Variants in SLC35A3 observed in about 807,000 individuals in gnomAD.
SLC35A3 encodes solute carrier family 35 member A3.
SLC35A3 carries 26 observed loss-of-function variants against 39.0 expected under a neutral mutation model. The ratio of observed to expected loss-of-function variants is 0.67; its 90% confidence interval spans 0.49 to 0.92. SLC35A3 has a LOEUF of 0.92. SLC35A3 is among the 40% of genes least tolerant of loss of function. The probability of loss-of-function intolerance (pLI) is 0.00; values close to 1 mark genes in which losing one functional copy is unlikely to be tolerated. For synonymous variants in SLC35A3, 135 were observed against 133.1 expected, an observed-to-expected ratio of 1.01 and a Z score of -0.10; for missense variants, 299 against 371.6, an observed-to-expected ratio of 0.80 and a Z score of 1.61.
At chr1:100,003,756 C>T (rs1440590358) in intron 3 of SLC35A3, among the ~76,000 whole-genome samples, 2 of 152,118 alleles carry the variant, frequency 1.3e-5, no homozygotes, top group African/African-American at 4.8e-5. Context: ...TGGAGTCTAT[C>T]TCTCTCTTTA....
At chr1:100,003,081 T>C (rs1658928090) in intron 3 of SLC35A3, among the ~76,000 whole-genome samples, 1 of 152,104 alleles carries the variant, frequency 6.6e-6, no homozygotes. Context: ...CTGTATCTCA[T>C]AGGTTTTGGT....
At chr1:99,978,768 A>C (rs1397176480) in intron 1 of SLC35A3, among the ~76,000 whole-genome samples, 4 of 152,212 alleles carry the variant, frequency 2.6e-5, no homozygotes, top group Non-Finnish European at 4.4e-5. Context: ...CTGAGTCCAG[A>C]ATATATTTTA....
chr1:100,007,109 C>T lies in SLC35A3; in HGVS notation c.418C>T (p.Gln140Ter). 6.2e-7 allele frequency: 1 copy of T among 1,612,074 alleles called. No individual in the cohort carries two copies. The highest frequency in any genetic ancestry group is 1.3e-5 in the African/African-American group (1 of 74,942). The change falls in exon 4 of 8, where the codon CAG (glutamine) becomes TAG (stop). Residue 140 changes from glutamine to a stop codon, truncating the protein, a stop_gained. Transcript: ENST00000533028. LOFTEE classifies it high-confidence loss of function. ...GCTTAGTAAAAAATTGGGTGTATACCAGTGGCTGTCCCTAGTAATTTTGAT... is the reference window on the plus strand; with the variant it reads ...GCTTAGTAAAAAATTGGGTGTATACTAGTGGCTGTCCCTAGTAATTTTGAT... The part of the protein sequence containing the change: ...SMLSKKLGVY[Q>*]WLSLVILMTG...
rs1337716274 is a variant in SLC35A3, at chr1:100,023,623, T to G, written c.*1147T>G. 1 of 152,216 alleles carries G rather than the reference T, an allele frequency of 6.6e-6. No individual in the cohort carries two copies. The highest frequency in any genetic ancestry group is 2.4e-5 in the African/African-American group (1 of 41,454). 9.4% of individuals were successfully genotyped at this position (152,216 alleles called of 1,614,324 possible). A position where few individuals can be genotyped will look rare whatever the true frequency, so the allele number is the denominator to read the frequency against. Reference sequence around the variant, plus strand: ...TTTAAATCCAAGGCTGCTCGGAAGATTTTTTTAGGTCTCTCATAAGCCTAT... The same window carrying G: ...TTTAAATCCAAGGCTGCTCGGAAGAGTTTTTTAGGTCTCTCATAAGCCTAT... On this transcript the variant is annotated 3_prime_UTR_variant, in exon 8 of 8. Transcript: ENST00000533028.
chr1:99,999,310 T>C lies in SLC35A3; in HGVS notation c.237T>C (p.Asn79=). Residue 79 remains asparagine (N), a synonymous_variant, in exon 3 of 8, where the codon AAT becomes AAC. Coordinates refer to ENST00000533028, the MANE Select transcript of SLC35A3 (RefSeq NM_012243.3). ...LNRVLHDEIL[N]KPMETLKLAI... is the part of the protein sequence containing the mutation. The stretch of plus-strand genomic sequence containing the variant: ...GAGTACTACATGATGAAATTCTTAA[T>C]AAACCTATGGAAACACTTAAACTTG... 1 of 1,594,168 alleles carries C rather than the reference T, an allele frequency of 6.3e-7. No individual in the cohort carries two copies. Among genetic ancestry groups the C allele is most frequent in the South Asian group, 1.1e-5 (1 of 87,818 alleles).
rs1660863852 is a variant in SLC35A3, at chr1:100,025,576, G to A, written c.*3100G>A. 1 of 152,130 alleles carries A rather than the reference G, an allele frequency of 6.6e-6. No individual in the cohort carries two copies. Among genetic ancestry groups the A allele is most frequent in the Non-Finnish European group, 1.5e-5 (1 of 68,000 alleles). The allele number at this position is 152,130 out of a possible 1,614,324, so 9.4% of individuals were successfully genotyped here. A position where few individuals can be genotyped will look rare whatever the true frequency, so the allele number is the denominator to read the frequency against. On this transcript the variant is annotated 3_prime_UTR_variant, in exon 8 of 8. Transcript: ENST00000533028. Reference sequence around the variant, plus strand: ...TCTAGTGGGTTTGAAAATGTTTATTGGAGATTGGGCTATGTAGTTTATAAT... The same window carrying A: ...TCTAGTGGGTTTGAAAATGTTTATTAGAGATTGGGCTATGTAGTTTATAAT...
intron 1 of SLC35A3, among the ~76,000 whole-genome samples, chr1:99,976,289 T>C (rs1011675774): frequency 6.6e-6 from 1 of 152,216 alleles, no homozygotes; most frequent in African/African-American, 2.4e-5. Flanking sequence ...CTTCTAAGAC[T>C]GTAGGTTTAC....
At chr1:99,992,616 T>C (rs1194992905) in intron 1 of SLC35A3, among the ~76,000 whole-genome samples, 1 of 152,220 alleles carries the variant, frequency 6.6e-6, no homozygotes, top group Non-Finnish European at 1.5e-5. Flanking sequence ...TCTTCATAAT[T>C]GCTTGTTGCT....
intron 2 of SLC35A3, among the ~76,000 whole-genome samples, chr1:99,998,737 A>C (rs1053288945): frequency 6.6e-6 from 1 of 152,052 alleles, no homozygotes; most frequent in Non-Finnish European, 1.5e-5. Flanking sequence ...TTAAATCTGG[A>C]CTCACCCCAT....
At chr1:99,992,689 G>A (rs1658158764) in intron 1 of SLC35A3, among the ~76,000 whole-genome samples, 1 of 152,128 alleles carries the variant, frequency 6.6e-6, no homozygotes, top group African/African-American at 2.4e-5. Flanking sequence ...TGTCATCTCT[G>A]CATTGTTGTC....
rs983415565 is a variant in SLC35A3, at chr1:100,024,943, A to C, written c.*2467A>C. 11 of 330,220 alleles carry C rather than the reference A, an allele frequency of 3.3e-5. No homozygotes were observed. The highest frequency in any genetic ancestry group is 1.5e-4 in the African/African-American group (7 of 46,522). The allele number at this position is 330,220 out of a possible 1,614,324, so 20.5% of individuals were successfully genotyped here. On this transcript the variant is annotated 3_prime_UTR_variant, in exon 8 of 8. Coordinates refer to ENST00000533028, the MANE Select transcript of SLC35A3 (RefSeq NM_012243.3). ...TTGCCTAACGTGAACTGGCAGTGTTACCTTGCTTTTGCAGTAATAGTCTAC... is the reference window on the plus strand; with the variant it reads ...TTGCCTAACGTGAACTGGCAGTGTTCCCTTGCTTTTGCAGTAATAGTCTAC...
At position 100,017,836 on chromosome 1, in the gene SLC35A3, T is replaced by A. The variant is rs12123408; in HGVS notation, c.887+21T>A. 4,596 of 1,501,910 alleles carry A rather than the reference T, an allele frequency of 3.1e-3. 14 individuals carry two copies. The highest frequency in any genetic ancestry group is 0.012 in the Middle Eastern group (54 of 4,540). The allele number at this position is 1,501,910 out of a possible 1,614,324, so 93.0% of individuals were successfully genotyped here. A position where few individuals can be genotyped will look rare whatever the true frequency, so the allele number is the denominator to read the frequency against. On this transcript the variant is annotated intron_variant, in intron 7 of 7. Transcript: ENST00000533028. ...ACCAGGTAAAATGTTCTTTTCTATT[T>A]TTTTAAATCCCCAGAAGTATATAGA...
chr1:99,999,229 T>C (rs1456565365), intron 2 of SLC35A3, 32 bp from the exon 3 acceptor site: 10 of 1,412,184 alleles, frequency 7.1e-6, no homozygotes, highest in Non-Finnish European at 9.5e-6. Flanking sequence ...CAGAGTTACT[T>C]AATTACTGAT....
intron 1 of SLC35A3, among the ~76,000 whole-genome samples, chr1:99,981,857 T>G (rs1325856168): frequency 6.6e-6 from 1 of 151,890 alleles, no homozygotes; most frequent in African/African-American, 2.4e-5. Context: ...GCTGGAGACA[T>G]ATCAGCAAAA....
intron 7 of SLC35A3, among the ~76,000 whole-genome samples, chr1:100,019,327 A>T (rs1660369946): frequency 6.6e-6 from 1 of 152,126 alleles, no homozygotes; most frequent in South Asian, 2.1e-4. Context: ...GAGGAAGTAT[A>T]TAAGGTTTGT....
intron 3 of SLC35A3, among the ~76,000 whole-genome samples, chr1:100,005,953 G>A (rs763438137): frequency 6.6e-6 from 1 of 152,096 alleles, no homozygotes; most frequent in Non-Finnish European, 1.5e-5. Flanking sequence ...TGTGCATCTG[G>A]TATAACAATA....
At chr1:99,993,434 G>C (rs1190253000) in intron 1 of SLC35A3, 103 bp from the exon 2 acceptor site, 2 of 847,568 alleles carry the variant, frequency 2.4e-6, no homozygotes, top group African/African-American at 1.8e-5. Flanking sequence ...AGGTGGAGGA[G>C]AGACCTGCAG....
chr1:99,982,437 T>C (rs1025880890), intron 1 of SLC35A3, among the ~76,000 whole-genome samples: 1 of 152,124 alleles, frequency 6.6e-6, no homozygotes, highest in African/African-American at 2.4e-5. Flanking sequence ...TTGGGGATGG[T>C]GGTAGTAAGT....
chr1:100,033,379 A>G lies in SLC35A3; in HGVS notation c.*10903A>G, dbSNP rs1661357440. The G allele has an allele frequency of 6.6e-6, 1 of 152,082 alleles. No homozygotes were observed. The highest frequency in any genetic ancestry group is 2.4e-5 in the African/African-American group (1 of 41,416). 9.4% of individuals were successfully genotyped at this position (152,082 alleles called of 1,614,324 possible). A position where few individuals can be genotyped will look rare whatever the true frequency, so the allele number is the denominator to read the frequency against. On this transcript the variant is annotated 3_prime_UTR_variant, in exon 8 of 8. Transcript: ENST00000533028. Reference sequence around the variant, plus strand: ...ATCTAGCTGTCATACCTATCCCTCCATTCCTAACCATCTCTTATAAGTAAT... The same window carrying G: ...ATCTAGCTGTCATACCTATCCCTCCGTTCCTAACCATCTCTTATAAGTAAT...
Sources: gnomAD v4.1 joint callset for allele counts (sites outside exome capture counted in the v4.1 genomes callset) on GRCh38, gnomAD v4.1.1 for gene constraint, MANE v1.5 for transcripts, NCBI Gene and HGNC (gene_info 2026-07-23, HGNC 2026-07-21) for gene names.